RAB3IL1: variants seen among roughly 807,000 people sequenced by gnomAD.
RAB3IL1 encodes the protein guanine nucleotide exchange factor for Rab-3A.
In RAB3IL1, 37 loss-of-function variants were observed where a neutral mutation model predicts 49.2. The ratio of observed to expected loss-of-function variants is 0.75; its 90% confidence interval spans 0.58 to 0.99. RAB3IL1 has a LOEUF of 0.99. Ranked by LOEUF, RAB3IL1 falls within the 50% of genes least tolerant of loss-of-function variation. The pLI, the probability that RAB3IL1 is intolerant of heterozygous loss-of-function variation, is 0.00. For missense variants in RAB3IL1, 484 were observed against 513.0 expected (o/e 0.94, Z 0.55); for synonymous variants, 193 against 213.9 (o/e 0.90, Z 0.85).
chr11:61,923,438 C>T (rs1028517326), upstream of RAB3IL1, among the ~76,000 whole-genome samples: 6 of 152,216 alleles, frequency 3.9e-5, no homozygotes, highest in Non-Finnish European at 8.8e-5. Flanking sequence ...CGAGGGGAGG[C>T]TCACAAGGCC....
chr11:61,929,606 A>T, the RAB3IL1 span, among the ~76,000 whole-genome samples: 53,360 of 145,732 alleles, frequency 0.37, 12,008 homozygotes, highest in Middle Eastern at 0.6. Flanking sequence ...TTTTTTTTTG[A>T]GACAGAGTCT....
chr11:61,930,354 C>T, the RAB3IL1 span, among the ~76,000 whole-genome samples: 4 of 152,110 alleles, frequency 2.6e-5, no homozygotes, highest in Admixed American at 2.6e-4. Flanking sequence ...ATTAATGTCA[C>T]TAAACTATAT....
chr11:61,940,859 G>A, the RAB3IL1 span, among the ~76,000 whole-genome samples: 1 of 152,032 alleles, frequency 6.6e-6, no homozygotes, highest in African/African-American at 2.4e-5. Context: ...GGTGGAGGTT[G>A]CAGTGAGCCG....
Position 61,898,614 on chromosome 11 carries a change from C to T in RAB3IL1, c.1067-254G>A, listed in dbSNP as rs762029690. Among the ~76,000 whole-genome samples the T allele has an allele frequency of 7.2e-5, 11 of 152,218 alleles. No individual in the cohort carries two copies. Among genetic ancestry groups the T allele is most frequent in the Non-Finnish European group, 1.0e-4 (7 of 68,040 alleles). Reference sequence around the variant, plus strand: ...ACTGACGGCCACCCCCACAGCCCGACGCAGACAAGCAGGTACACGCTGTCA... The same window carrying T: ...ACTGACGGCCACCCCCACAGCCCGATGCAGACAAGCAGGTACACGCTGTCA... On this transcript the variant is annotated intron_variant, in intron 9 of 9. Coordinates refer to ENST00000394836, the MANE Select transcript of RAB3IL1 (RefSeq NM_013401.4). The surrounding 1 kb of genome is among the most constrained non-coding windows in gnomAD (Gnocchi z 5.1).
chr11:61,908,631 G>A (rs1042162487), intron 1 of RAB3IL1, among the ~76,000 whole-genome samples: 1 of 152,226 alleles, frequency 6.6e-6, no homozygotes, highest in African/African-American at 2.4e-5. Context: ...AAATGCATCA[G>A]GGTTGAGTCC....
chr11:61,919,976 A>T, upstream of RAB3IL1: 1 of 1,114,644 alleles, frequency 9.0e-7, no homozygotes, highest in Non-Finnish European at 1.1e-6. Context: ...CCAGCTTCTC[A>T]CACTGGCTGC....
the RAB3IL1 span, among the ~76,000 whole-genome samples, chr11:61,934,426 A>ATGTG: frequency 0.011 from 467 of 41,536 alleles, 10 homozygotes; most frequent in African/African-American, 0.016. Flanking sequence ...ATATATGTGT[A>ATGTG]TGTGTGTGTG....
intron 9 of RAB3IL1, among the ~76,000 whole-genome samples, chr11:61,899,090 C>T (rs1938763522): frequency 6.6e-6 from 1 of 152,140 alleles, no homozygotes; most frequent in African/African-American, 2.4e-5. Flanking sequence ...TGTGCGGGGC[C>T]GGGAGAGGTT....
chr11:61,917,364 A>G lies in RAB3IL1; in HGVS notation c.4T>C (p.Trp2Arg). The G allele has an allele frequency of 1.6e-6, 2 of 1,263,286 alleles. No individual in the cohort carries two copies. The highest frequency in any genetic ancestry group is 2.0e-6 in the Non-Finnish European group (2 of 1,006,312). The allele number at this position is 1,263,286 out of a possible 1,614,324, so 78.3% of individuals were successfully genotyped here. The change falls in exon 1 of 10, where the codon TGG becomes CGG. Residue 2 changes from tryptophan to arginine, a missense_variant. By Grantham distance (101) the Trp-to-Arg change is moderately radical. Transcript: ENST00000394836. ...GAGCGCGCGCGGACCTACCCGCTCC[A>G]CATCCCGGCGCCTCGGGGCGCCCAG... M[W>R]SGPPQPDQGL...
the RAB3IL1 span, among the ~76,000 whole-genome samples, chr11:61,932,041 G>A: frequency 6.6e-6 from 1 of 151,950 alleles, no homozygotes; most frequent in Non-Finnish European, 1.5e-5. Flanking sequence ...CACAAGGTCA[G>A]GAGTTTGAGA....
At chr11:61,923,748 C>T (rs966902224), upstream of RAB3IL1, among the ~76,000 whole-genome samples, 1 of 152,212 alleles carries the variant, frequency 6.6e-6, no homozygotes, top group African/African-American at 2.4e-5. Context: ...CCCCTCCCTC[C>T]GCCAGCTGTG....
At position 61,906,685 on chromosome 11, in the gene RAB3IL1, C is replaced by A; in HGVS notation, c.439-1G>T. The A allele has an allele frequency of 6.2e-7, 1 of 1,605,476 alleles. No individual in the cohort carries two copies. The highest frequency in any genetic ancestry group is 8.5e-7 in the Non-Finnish European group (1 of 1,176,562). On this transcript the variant is annotated splice_acceptor_variant, in intron 4 of 9. Coordinates refer to ENST00000394836, the MANE Select transcript of RAB3IL1 (RefSeq NM_013401.4). LOFTEE classifies it high-confidence loss of function. The surrounding 1 kb of genome is among the most constrained non-coding windows in gnomAD (Gnocchi z 4.6). ...TCACCTCTGCCTGCAGCATGTCGAT[C>A]TGCATGGGATGGGATGGCTGTCAAC...
intron 1 of RAB3IL1, among the ~76,000 whole-genome samples, chr11:61,910,592 C>T (rs750015384): frequency 6.6e-5 from 10 of 152,320 alleles, no homozygotes; most frequent in East Asian, 1.9e-4. Context: ...GCAGTCCTGA[C>T]CTGGTGCTGG....
chr11:61,945,168 C>CTA, the RAB3IL1 span, among the ~76,000 whole-genome samples: 2 of 152,236 alleles, frequency 1.3e-5, no homozygotes, highest in Admixed American at 6.5e-5. Context: ...TACTCCTCAT[C>CTA]TAGCCTACCC....
intron 1 of RAB3IL1, among the ~76,000 whole-genome samples, chr11:61,916,685 C>T (rs899645664): frequency 9.9e-5 from 15 of 152,212 alleles, no homozygotes; most frequent in African/African-American, 3.1e-4. Flanking sequence ...AAAAACACCA[C>T]AACCTTTCTG....
Position 61,902,523 on chromosome 11 carries a change from C to T in RAB3IL1, c.918G>A (p.Gly306=), listed in dbSNP as rs781557779. Residue 306 remains glycine, a synonymous_variant, in exon 8 of 10, where the codon GGG becomes GGA. Transcript: ENST00000394836. ...TTCGGTGGCGGCAGGTGCGGGTCAGCCCGCTCAGGGCACATGTGCTAGGGG... is the reference window on the plus strand; with the variant it reads ...TTCGGTGGCGGCAGGTGCGGGTCAGTCCGCTCAGGGCACATGTGCTAGGGG... ...CSSTNTCALS[G]LTRTCRHRIR... 4 of 1,600,330 alleles carry T rather than the reference C, an allele frequency of 2.5e-6. No homozygotes were observed. The highest frequency in any genetic ancestry group is 3.4e-6 in the Non-Finnish European group (4 of 1,175,496).
At chr11:61,917,053 T>C (rs1179121008) in intron 1 of RAB3IL1, among the ~76,000 whole-genome samples, 1 of 151,184 alleles carries the variant, frequency 6.6e-6, no homozygotes, top group Non-Finnish European at 1.5e-5. Flanking sequence ...TGCCCCAGAG[T>C]CGTGCACACT....
chr11:61,900,800 C>A lies in RAB3IL1; in HGVS notation c.1000-1420G>T, dbSNP rs577930846. 1.2e-4 allele frequency among the ~76,000 whole-genome samples: 19 copies of A among 152,316 alleles called. No individual in the cohort carries two copies. In the South Asian group the frequency reaches 3.3e-3, roughly 27 times the overall value. On this transcript the variant is annotated intron_variant, in intron 8 of 9. Transcript: ENST00000394836. ...CAGCTTCATCCAGTGCAGCAGGACA[C>A]CCAGGCCAGGGACTTAAAGTGCTAG...
the RAB3IL1 span, among the ~76,000 whole-genome samples, chr11:61,933,612 A>G: frequency 6.6e-6 from 1 of 152,230 alleles, no homozygotes; most frequent in Non-Finnish European, 1.5e-5. Flanking sequence ...TGCTGTAACC[A>G]AAACCTAAAA....
Sources: gnomAD v4.1 joint callset for allele counts (sites outside exome capture counted in the v4.1 genomes callset) on GRCh38, gnomAD v4.1.1 for gene constraint, Gnocchi (gnomAD v3.1) non-coding constraint, MANE v1.5 for transcripts, NCBI Gene and HGNC (gene_info 2026-07-23, HGNC 2026-07-21) for gene names.